MGAT5: variants seen among roughly 807,000 people sequenced by gnomAD.
The protein encoded by MGAT5 is alpha-1,6-mannosylglycoprotein 6-beta-N-acetylglucosaminyltransferase.
MGAT5 carries 30 observed loss-of-function variants against 94.3 expected under a neutral mutation model. That is an observed-to-expected ratio of 0.32 (90% CI 0.24 to 0.43). MGAT5 has a LOEUF of 0.43. Ranked by LOEUF, MGAT5 falls within the 20% of genes least tolerant of loss-of-function variation. MGAT5 has a pLI of 1.00. For synonymous variants in MGAT5, 310 were observed against 322.9 expected, an observed-to-expected ratio of 0.96 and a Z score of 0.43; for missense variants, 691 against 905.5, an observed-to-expected ratio of 0.76 and a Z score of 3.04.
intron 1 of MGAT5, among the ~76,000 whole-genome samples, chr2:134,237,148 T>TGTGTGTGTGTGTGCGC (rs374914892): frequency 4.0e-4 from 56 of 140,832 alleles, no homozygotes; most frequent in African/African-American, 1.4e-3. Context: ...TGTGTGTGTG[T>TGTGTGTGTGTGTGCGC]GCGCGTGTGT....
chr2:134,147,403 A>T (rs1407216501), intron 1 of MGAT5, among the ~76,000 whole-genome samples: 1 of 152,236 alleles, frequency 6.6e-6, no homozygotes, highest in Non-Finnish European at 1.5e-5. Context: ...CCCCCTTTTA[A>T]ATCCTAAGAT....
At chr2:134,431,487 C>T (rs1409598945) in intron 14 of MGAT5, among the ~76,000 whole-genome samples, 1 of 152,130 alleles carries the variant, frequency 6.6e-6, no homozygotes, top group Non-Finnish European at 1.5e-5. Context: ...GGTCTGCTAC[C>T]TCTTTTAGCT....
intron 14 of MGAT5, among the ~76,000 whole-genome samples, chr2:134,441,164 C>G (rs971286736): frequency 6.6e-6 from 1 of 152,188 alleles, no homozygotes; most frequent in Non-Finnish European, 1.5e-5. Context: ...AGCACTAAGT[C>G]CCTACCAAAG....
At chr2:134,363,201 A>G (rs1340817664) in intron 10 of MGAT5, among the ~76,000 whole-genome samples, 1 of 152,224 alleles carries the variant, frequency 6.6e-6, no homozygotes, top group Non-Finnish European at 1.5e-5. Flanking sequence ...AAATGTAAGA[A>G]TTCATTGCTT....
chr2:134,344,613 T>A (rs1199382032), intron 7 of MGAT5, among the ~76,000 whole-genome samples: 1 of 152,074 alleles, frequency 6.6e-6, no homozygotes, highest in Non-Finnish European at 1.5e-5. Context: ...AGCAAAGAGA[T>A]TGAGAGAGGT....
intron 10 of MGAT5, among the ~76,000 whole-genome samples, chr2:134,383,969 G>A (rs12997914): frequency 0.35 from 24,617 of 69,426 alleles, 2,187 homozygotes; most frequent in South Asian, 0.5. Context: ...GTCAGCCACC[G>A]CGCCTGGCCG....
chr2:134,199,441 T>C (rs146071401), intron 1 of MGAT5, among the ~76,000 whole-genome samples: 20 of 151,830 alleles, frequency 1.3e-4, no homozygotes, highest in Non-Finnish European at 1.2e-4. Flanking sequence ...AGTTCTCTGG[T>C]GGAGGCTGAA....
intron 1 of MGAT5, among the ~76,000 whole-genome samples, chr2:134,175,376 A>G (rs1474235584): frequency 1.3e-5 from 2 of 152,116 alleles, no homozygotes. Context: ...TGTTAAAATT[A>G]CTGTTATTTT....
At chr2:134,444,382 G>A (rs1158703032) in intron 15 of MGAT5, among the ~76,000 whole-genome samples, 2 of 152,204 alleles carry the variant, frequency 1.3e-5, no homozygotes, top group African/African-American at 4.8e-5. Flanking sequence ...CTACCCCACT[G>A]TAGAGATGCG....
intron 2 of MGAT5, among the ~76,000 whole-genome samples, chr2:134,279,004 A>G (rs1267679536): frequency 6.6e-6 from 1 of 152,124 alleles, no homozygotes; most frequent in Non-Finnish European, 1.5e-5. Flanking sequence ...GCCAGTCTGT[A>G]AGCTCCTCAA....
chr2:134,120,355 G>A, intron 1 of MGAT5: 1 of 384,514 alleles, frequency 2.6e-6, no homozygotes, highest in Non-Finnish European at 4.6e-6. Context: ...GGGGTGATGC[G>A]CGCAGAGGGG....
rs781189819 is a variant in MGAT5, at chr2:134,257,836, C to CCTTTTTTTTTTTTTTT, written c.241+3192_241+3193insCTTTTTTTTTTTTTTT. 1.4e-4 allele frequency among the ~76,000 whole-genome samples: 15 copies of CCTTTTTTTTTTTTTTT among 106,414 alleles called. 4 individuals carry two copies. The highest frequency in any genetic ancestry group is 1.8e-4 in the Non-Finnish European group (10 of 54,240). 69.8% of individuals were successfully genotyped at this position (106,414 alleles called of 152,430 possible). The stretch of plus-strand genomic sequence containing the variant: ...TGCATAGGCCATTAGTTTGCAGTCT[C>CCTTTTTTTTTTTTTTT]TTTTTTTTTTTTTTTTTTTGCCATA... On this transcript the variant is annotated intron_variant, in intron 1 of 15. Transcript: ENST00000281923.
rs545994877 is a variant in MGAT5, at chr2:134,272,252, T to C, written c.406+1702T>C. Among the ~76,000 whole-genome samples, 10 of 152,358 alleles carry C rather than the reference T, an allele frequency of 6.6e-5. No homozygotes were observed. The East Asian group carries it at 1.9e-3, about 29-fold the overall frequency. ...ATACCAGCCGTATGTATTGAGCTAG[T>C]GTACCGCTTAACAAGCATCATGTTC... On this transcript the variant is annotated intron_variant, in intron 2 of 15. Transcript: ENST00000281923.
intron 15 of MGAT5, among the ~76,000 whole-genome samples, chr2:134,447,813 G>T (rs984736659): frequency 6.6e-6 from 1 of 152,246 alleles, no homozygotes; most frequent in Non-Finnish European, 1.5e-5. Flanking sequence ...AAGCCACCAG[G>T]CTCCACCGCC....
intron 4 of MGAT5, among the ~76,000 whole-genome samples, chr2:134,320,927 G>A (rs1195775285): frequency 6.6e-6 from 1 of 152,088 alleles, no homozygotes; most frequent in Non-Finnish European, 1.5e-5. Flanking sequence ...GATTTTTTGG[G>A]GGAAGGGGGA....
chr2:134,380,606 C>T (rs1681478569), intron 10 of MGAT5, among the ~76,000 whole-genome samples: 1 of 152,310 alleles, frequency 6.6e-6, no homozygotes, highest in Admixed American at 6.5e-5. Context: ...GTGAAGCTCT[C>T]ATGAGAGAAG....
At chr2:134,289,031 T>C (rs1376926404) in intron 2 of MGAT5, among the ~76,000 whole-genome samples, 1 of 152,244 alleles carries the variant, frequency 6.6e-6, no homozygotes, top group Non-Finnish European at 1.5e-5. Flanking sequence ...CAGTCTTTTT[T>C]GGGTGCCCTT....
chr2:134,284,963 G>C (rs1196565613), intron 2 of MGAT5, among the ~76,000 whole-genome samples: 1 of 152,138 alleles, frequency 6.6e-6, no homozygotes, highest in Non-Finnish European at 1.5e-5. Flanking sequence ...AAATGTTTCA[G>C]GTGTTAAGCA....
intron 4 of MGAT5, among the ~76,000 whole-genome samples, chr2:134,330,554 A>AGTGTGTGT (rs34688054): frequency 0.054 from 8,024 of 148,518 alleles, 353 homozygotes; most frequent in East Asian, 0.17. Context: ...TAAATTGTGT[A>AGTGTGTGT]GTGTGTGTGT....
Sources: gnomAD v4.1 joint callset for allele counts (sites outside exome capture counted in the v4.1 genomes callset) on GRCh38, gnomAD v4.1.1 for gene constraint, MANE v1.5 for transcripts, NCBI Gene and HGNC (gene_info 2026-07-23, HGNC 2026-07-21) for gene names.